STX18: variants seen among roughly 807,000 people sequenced by gnomAD.
STX18 encodes the protein syntaxin 18, also known as syntaxin-18.
STX18 carries 40 observed loss-of-function variants against 50.1 expected under a neutral mutation model. That is an observed-to-expected ratio of 0.80 (90% CI 0.62 to 1.04). The LOEUF is 1.04. Among genes scored for constraint, STX18 ranks in the 50% least tolerant of loss-of-function variants. The pLI is 0.00. For synonymous variants in STX18, 158 were observed against 151.8 expected, an observed-to-expected ratio of 1.04 and a Z score of -0.30; for missense variants, 410 against 415.8, an observed-to-expected ratio of 0.99 and a Z score of 0.12.
chr4:4,506,167 AC>A (rs1729698246), intron 1 of STX18, among the ~76,000 whole-genome samples: 1 of 152,232 alleles, frequency 6.6e-6, no homozygotes, highest in Non-Finnish European at 1.5e-5. Context: ...ACATACACTC[AC>A]CAGATAACTT....
chr4:4,465,520 C>T (rs1239072845), intron 2 of STX18, among the ~76,000 whole-genome samples: 4 of 152,152 alleles, frequency 2.6e-5, no homozygotes, highest in Admixed American at 6.5e-5. Context: ...AAACCAAATA[C>T]CACATGTTCT....
chr4:4,421,201 TCCTC>T (rs1724940681), intron 9 of STX18, among the ~76,000 whole-genome samples: 1 of 151,986 alleles, frequency 6.6e-6, no homozygotes, highest in African/African-American at 2.4e-5. Flanking sequence ...TAGCCACAAA[TCCTC>T]ACAGCACCCC....
At chr4:4,499,283 T>G (rs1004385167) in intron 1 of STX18, among the ~76,000 whole-genome samples, 32 of 152,132 alleles carry the variant, frequency 2.1e-4, no homozygotes, top group African/African-American at 7.7e-4. Context: ...TACAAGAAAT[T>G]TGAAGTAAGT....
intron 2 of STX18, among the ~76,000 whole-genome samples, chr4:4,467,100 T>A (rs1727652217): frequency 3.9e-5 from 6 of 152,092 alleles, no homozygotes. Context: ...ACCTCTAACA[T>A]CAATCTTAGG....
chr4:4,433,243 G>A (rs1189097515), intron 7 of STX18, among the ~76,000 whole-genome samples: 1 of 152,202 alleles, frequency 6.6e-6, no homozygotes, highest in East Asian at 1.9e-4. Flanking sequence ...GCATTCATAA[G>A]TATCCATAAT....
chr4:4,508,185 A>T (rs1293207448), intron 1 of STX18, among the ~76,000 whole-genome samples: 1 of 152,198 alleles, frequency 6.6e-6, no homozygotes, highest in Non-Finnish European at 1.5e-5. Context: ...ACTTCAACTT[A>T]GGGCTCATAT....
At chr4:4,431,416 G>A (rs1412118734) in intron 7 of STX18, among the ~76,000 whole-genome samples, 1 of 152,152 alleles carries the variant, frequency 6.6e-6, no homozygotes, top group Non-Finnish European at 1.5e-5. Flanking sequence ...TGTAGGACGG[G>A]AATATGATCC....
chr4:4,517,950 T>C (rs1730356155), intron 1 of STX18, among the ~76,000 whole-genome samples: 1 of 152,006 alleles, frequency 6.6e-6, no homozygotes, highest in African/African-American at 2.4e-5. Context: ...AATTTTTGTA[T>C]TTTTAGTAGA....
At chr4:4,501,859 G>A (rs1057023813) in intron 1 of STX18, among the ~76,000 whole-genome samples, 2 of 152,180 alleles carry the variant, frequency 1.3e-5, no homozygotes, top group African/African-American at 4.8e-5. Context: ...CATAAAACCA[G>A]ATGCCACAGC....
chr4:4,523,026 CAAAT>C (rs1309107407), intron 1 of STX18, among the ~76,000 whole-genome samples: 1 of 152,170 alleles, frequency 6.6e-6, no homozygotes, highest in Non-Finnish European at 1.5e-5. Flanking sequence ...GTGCTTTACT[CAAAT>C]TAATTCTCCA....
At chr4:4,494,298 C>T (rs34515947) in intron 1 of STX18, among the ~76,000 whole-genome samples, 5,646 of 152,256 alleles carry the variant, frequency 0.037, 116 homozygotes, top group Non-Finnish European at 0.046. Flanking sequence ...TCAATCCTTG[C>T]TAATAAAATG....
rs753485407 is a variant in STX18, at chr4:4,541,832, G to T, written c.133C>A (p.Pro45Thr). The T allele has an allele frequency of 1.9e-6, 3 of 1,611,222 alleles. No individual in the cohort carries two copies. Among genetic ancestry groups the T allele is most frequent in the Non-Finnish European group, 2.5e-6 (3 of 1,179,090 alleles). Residue 45 changes from proline to threonine, a missense_variant, in exon 1 of 11, where the codon CCC becomes ACC. Physicochemically the swap from Pro to Thr is conservative, Grantham distance 38. Transcript: ENST00000306200. ...GCCCGGCTGGAGAAGTCGCCCTTGG[G>T]CCGGGGGCTCCGGCGGAACAGCTCG... The part of the protein sequence containing the change: ...RDELFRRSPR[P>T]KGDFSSRARE...
At chr4:4,499,662 G>C in intron 1 of STX18, 1 of 355,406 alleles carries the variant, frequency 2.8e-6, no homozygotes, top group Non-Finnish European at 3.9e-6. Context: ...GTGAGAACAG[G>C]AACTGTCAAG....
At position 4,467,390 on chromosome 4, in the gene STX18, G is replaced by A. The variant is rs186997671; in HGVS notation, c.236+4249C>T. 1.8e-4 allele frequency among the ~76,000 whole-genome samples: 28 copies of A among 152,330 alleles called. 1 individual carries two copies. The highest frequency in any genetic ancestry group is 1.7e-3 in the Admixed American group (26 of 15,308). ...TCTGGGAGGTTAAAGGCAAGATGGA[G>A]TTGATTAGGTCAGATCTCGTTCGCT... On this transcript the variant is annotated intron_variant, in intron 2 of 10. Coordinates refer to ENST00000306200, the MANE Select transcript of STX18 (RefSeq NM_016930.4).
chr4:4,476,449 C>A (rs1055746429), intron 1 of STX18, among the ~76,000 whole-genome samples: 1 of 152,204 alleles, frequency 6.6e-6, no homozygotes, highest in Non-Finnish European at 1.5e-5. Context: ...TGAGCTGGAA[C>A]TAGAACCCTT....
At chr4:4,446,230 C>T (rs984401082) in intron 5 of STX18, among the ~76,000 whole-genome samples, 4 of 152,154 alleles carry the variant, frequency 2.6e-5, no homozygotes, top group Admixed American at 2.0e-4. Context: ...TAGACCTAAA[C>T]ATACCACCCA....
chr4:4,487,680 C>T (rs1321585186), intron 1 of STX18, among the ~76,000 whole-genome samples: 2 of 152,180 alleles, frequency 1.3e-5, no homozygotes, highest in Non-Finnish European at 2.9e-5. Flanking sequence ...GAAAACAAAC[C>T]CATCAATTTT....
At chr4:4,486,314 T>C (rs1277051639) in intron 1 of STX18, among the ~76,000 whole-genome samples, 1 of 152,220 alleles carries the variant, frequency 6.6e-6, no homozygotes, top group Non-Finnish European at 1.5e-5. Context: ...GCATTTCAGC[T>C]GCAGAACTTT....
At chr4:4,448,221 C>T (rs1234768853) in intron 5 of STX18, among the ~76,000 whole-genome samples, 1 of 152,206 alleles carries the variant, frequency 6.6e-6, no homozygotes, top group Non-Finnish European at 1.5e-5. Flanking sequence ...AGATGAGACT[C>T]CTTAAACCAC....
Sources: gnomAD v4.1 joint callset for allele counts (sites outside exome capture counted in the v4.1 genomes callset) on GRCh38, gnomAD v4.1.1 for gene constraint, MANE v1.5 for transcripts, NCBI Gene and HGNC (gene_info 2026-07-23, HGNC 2026-07-21) for gene names.